KCNQ1: variants seen among roughly 807,000 people sequenced by gnomAD.
KCNQ1 encodes the protein potassium voltage-gated channel subfamily Q member 1.
KCNQ1 carries 49 observed loss-of-function variants against 72.4 expected under a neutral mutation model. The ratio of observed to expected loss-of-function variants is 0.68; its 90% CI spans 0.54 to 0.86. The LOEUF (loss-of-function observed/expected upper bound fraction) is 0.86, where lower values mean the gene tolerates loss of function less well. KCNQ1 is among the 40% of genes least tolerant of loss of function. The probability of loss-of-function intolerance (pLI) is 0.00; values close to 1 mark genes in which losing one functional copy is unlikely to be tolerated. For synonymous variants in KCNQ1, 450 were observed against 412.6 expected (o/e 1.09, Z -1.10); for missense variants, 790 against 945.1 (o/e 0.84, Z 2.15).
chr11:2,689,538 T>C (rs1018414388), intron 11 of KCNQ1: 1 of 398,552 alleles, frequency 2.5e-6, no homozygotes, highest in African/African-American at 2.1e-5. Flanking sequence ...GCATGAAGCT[T>C]GCACAGGAAG....
At position 2,773,288 on chromosome 11, in the gene KCNQ1, A is replaced by G. The variant is rs570287003; in HGVS notation, c.1591-2672A>G. 4.0e-5 allele frequency among the ~76,000 whole-genome samples: 6 copies of G among 150,444 alleles called. No individual in the cohort carries two copies. The South Asian group carries it at 1.3e-3, about 32-fold the overall frequency. ...TTGCAGAAAGGAGCTTAGAATCTCC[A>G]TTATACAGAAAGGAGAAACAGAGCT... is the stretch of plus-strand genomic sequence containing the variant. On this transcript the variant is annotated intron_variant, in intron 12 of 15. Transcript: ENST00000155840.
intron 6 of KCNQ1, among the ~76,000 whole-genome samples, chr11:2,580,137 C>T (rs1365912991): frequency 2.0e-5 from 3 of 152,182 alleles, no homozygotes; most frequent in African/African-American, 7.2e-5. Context: ...TTGCTGGCGC[C>T]CCTTACGCTT....
In KCNQ1 at chr11:2,752,268, A is replaced by C. The variant is rs1382294901; in HGVS notation, c.1515-16576A>C. ...GAACCCAGCTGAGTGGCTTCCATGGAGCTGATCTGAACCCAGCTGAGTGGC... is the reference window on the plus strand; with the variant it reads ...GAACCCAGCTGAGTGGCTTCCATGGCGCTGATCTGAACCCAGCTGAGTGGC... On this transcript the variant is annotated intron_variant, in intron 11 of 15. Transcript: ENST00000155840. The surrounding 1 kb of genome is among the most constrained non-coding windows in gnomAD (Gnocchi z 5.2). Among the ~76,000 whole-genome samples the C allele has an allele frequency of 1.3e-5, 2 of 151,514 alleles. No individual in the cohort carries two copies.
chr11:2,816,386 G>A lies in KCNQ1; in HGVS notation c.1795-31381G>A, dbSNP rs1847614592. On this transcript the variant is annotated intron_variant, in intron 15 of 15. Transcript: ENST00000155840. This position sits in a 1 kb window ranked among gnomAD's most constrained non-coding sequence, Gnocchi z 6.8. ...AAGAGCCTTTTGTGAAAATGGTCAG[G>A]CTGCTGAAAGTGAGACCACACTCAC... 6.6e-6 allele frequency among the ~76,000 whole-genome samples: 1 copy of A among 152,194 alleles called. No individual in the cohort carries two copies. Among genetic ancestry groups the A allele is most frequent in the African/African-American group, 2.4e-5 (1 of 41,448 alleles).
At chr11:2,474,347 T>G (rs1160378360) in intron 1 of KCNQ1, among the ~76,000 whole-genome samples, 1 of 152,260 alleles carries the variant, frequency 6.6e-6, no homozygotes, top group East Asian at 1.9e-4. Flanking sequence ...GCCAGGGCAG[T>G]GAGGCTCACG....
chr11:2,834,314 G>A (rs1848017832), intron 15 of KCNQ1, among the ~76,000 whole-genome samples: 1 of 152,142 alleles, frequency 6.6e-6, no homozygotes, highest in African/African-American at 2.4e-5. Context: ...AGGGCGCCCA[G>A]GTGCGGTGCT....
chr11:2,799,316 C>T (rs1162556916), intron 15 of KCNQ1, among the ~76,000 whole-genome samples: 2 of 152,060 alleles, frequency 1.3e-5, no homozygotes, highest in Admixed American at 6.5e-5. Flanking sequence ...TGACAACCAG[C>T]GCTCTTTGGA....
chr11:2,751,144 T>A (rs966797155), intron 11 of KCNQ1, among the ~76,000 whole-genome samples: 2 of 152,194 alleles, frequency 1.3e-5, no homozygotes, highest in African/African-American at 4.8e-5. Flanking sequence ...AGCTTGGAAC[T>A]ACAAGGCAGT....
At chr11:2,733,642 CT>C (rs1310226449) in intron 11 of KCNQ1, among the ~76,000 whole-genome samples, 10 of 151,968 alleles carry the variant, frequency 6.6e-5, no homozygotes. Context: ...ACAGCCAGGC[CT>C]GGGCAGCCCT....
chr11:2,448,388 G>C (rs112548579), intron 1 of KCNQ1, among the ~76,000 whole-genome samples: 1 of 152,232 alleles, frequency 6.6e-6, no homozygotes, highest in Non-Finnish European at 1.5e-5. Context: ...TCGCGGGTGC[G>C]TGTTAATCAA....
rs951394266 is a variant in KCNQ1, at chr11:2,824,343, C to T, written c.1795-23424C>T. Among the ~76,000 whole-genome samples, 1 of 152,070 alleles carries T rather than the reference C, an allele frequency of 6.6e-6. No individual in the cohort carries two copies. Among genetic ancestry groups the T allele is most frequent in the African/African-American group, 2.4e-5 (1 of 41,398 alleles). ...AGAGGGGATTTGGAGACACAATCCC[C>T]AGACTTGGGGACGAGCTGGATATGG... is the stretch of plus-strand genomic sequence containing the variant. On this transcript the variant is annotated intron_variant, in intron 15 of 15. Transcript: ENST00000155840. The surrounding 1 kb of genome is among the most constrained non-coding windows in gnomAD (Gnocchi z 5.9).
intron 2 of KCNQ1, among the ~76,000 whole-genome samples, chr11:2,540,673 A>C (rs772759203): frequency 6.6e-6 from 1 of 152,228 alleles, no homozygotes; most frequent in Non-Finnish European, 1.5e-5. Flanking sequence ...TCTCCTCCCC[A>C]AATATGCAGT....
chr11:2,573,822 C>T (rs915584656), intron 6 of KCNQ1, among the ~76,000 whole-genome samples: 2 of 152,062 alleles, frequency 1.3e-5, no homozygotes, highest in Non-Finnish European at 2.9e-5. Context: ...CAGGCTTGCA[C>T]GTGGGAGAGG....
At chr11:2,732,928 T>C (rs1376773099) in intron 11 of KCNQ1, among the ~76,000 whole-genome samples, 1 of 151,852 alleles carries the variant, frequency 6.6e-6, no homozygotes, top group African/African-American at 2.4e-5. Flanking sequence ...ACCCACCCTC[T>C]GGAGGCCCAG....
chr11:2,557,095 TGGGTGGTTGAAAAATAAA>T (rs1176671156), intron 2 of KCNQ1, among the ~76,000 whole-genome samples: 1 of 152,130 alleles, frequency 6.6e-6, no homozygotes, highest in Non-Finnish European at 1.5e-5. Flanking sequence ...AAAGCAATAA[TGGGTGGTTGAAAAATAAA>T]GGAATGGCCA....
At position 2,471,925 on chromosome 11, in the gene KCNQ1, G is replaced by C. The variant is rs1243799610; in HGVS notation, c.386+26441G>C. Among the ~76,000 whole-genome samples the C allele has an allele frequency of 1.4e-5, 2 of 147,700 alleles. No homozygotes were observed. The highest frequency in any genetic ancestry group is 2.2e-4 in the South Asian group (1 of 4,568). On this transcript the variant is annotated intron_variant, in intron 1 of 15. Transcript: ENST00000155840. The surrounding 1 kb of genome is among the most constrained non-coding windows in gnomAD (Gnocchi z 4.8). ...GTATGCGTGCACCTATGTGTGTATA[G>C]GCGTGTATGTGTGCGCGTGTGTAGG...
At chr11:2,533,495 C>T (rs768768295) in intron 2 of KCNQ1, among the ~76,000 whole-genome samples, 18 of 152,236 alleles carry the variant, frequency 1.2e-4, no homozygotes, top group Non-Finnish European at 2.9e-5. Flanking sequence ...TGTGTACGTA[C>T]GTGCATGTGC....
chr11:2,539,542 G>T (rs1245363175), intron 2 of KCNQ1, among the ~76,000 whole-genome samples: 4 of 152,218 alleles, frequency 2.6e-5, no homozygotes, highest in Non-Finnish European at 5.9e-5. Context: ...CAAGCCGATG[G>T]CTGTGCTGGC....
At chr11:2,756,553 G>A (rs1008657690) in intron 11 of KCNQ1, among the ~76,000 whole-genome samples, 1 of 152,116 alleles carries the variant, frequency 6.6e-6, no homozygotes, top group African/African-American at 2.4e-5. Context: ...TGGTTACCCA[G>A]GATAGGGGAG....
Sources: allele counts gnomAD v4.1 joint callset (sites outside exome capture counted in the v4.1 genomes callset), GRCh38; gene constraint gnomAD v4.1.1; non-coding constraint Gnocchi (gnomAD v3.1); transcripts MANE v1.5; gene names NCBI Gene and HGNC (gene_info 2026-07-23, HGNC 2026-07-21).